SSBP2: variants seen among roughly 807,000 people sequenced by gnomAD.
SSBP2 encodes single-stranded DNA-binding protein 2.
A neutral mutation model predicts 61.8 loss-of-function variants in SSBP2; 17 were observed. The ratio of observed to expected loss-of-function variants is 0.28; its 90% CI spans 0.19 to 0.41. The LOEUF is 0.41. SSBP2 is among the 10% of genes least tolerant of loss of function. The pLI is 1.00. For missense variants in SSBP2, 310 were observed against 458.7 expected (o/e 0.68, Z 2.96); for synonymous variants, 139 against 141.3 (o/e 0.98, Z 0.12).
chr5:81,719,675 A>C (rs1426764296), intron 1 of SSBP2, among the ~76,000 whole-genome samples: 1 of 152,118 alleles, frequency 6.6e-6, no homozygotes, highest in Non-Finnish European at 1.5e-5. Context: ...TAGGAGGAGG[A>C]GGCATGCCAT....
At chr5:81,623,204 AG>A (rs1300155465) in intron 3 of SSBP2, among the ~76,000 whole-genome samples, 1 of 152,228 alleles carries the variant, frequency 6.6e-6, no homozygotes, top group African/African-American at 2.4e-5. Context: ...TATTACATGC[AG>A]CATTATATGA....
At chr5:81,609,541 T>C (rs1228765488) in intron 4 of SSBP2, among the ~76,000 whole-genome samples, 1 of 152,166 alleles carries the variant, frequency 6.6e-6, no homozygotes, top group African/African-American at 2.4e-5. Flanking sequence ...TCCCATAGCT[T>C]CAATCCAAGT....
intron 1 of SSBP2, among the ~76,000 whole-genome samples, chr5:81,736,083 TTA>T (rs1156433729): frequency 1.3e-5 from 2 of 151,626 alleles, no homozygotes; most frequent in Admixed American, 1.3e-4. Flanking sequence ...CTTTCAAGAA[TTA>T]GTCATTGCTT....
chr5:81,587,737 ACACACACACG>A (rs1246242790), intron 4 of SSBP2, among the ~76,000 whole-genome samples: 2 of 144,578 alleles, frequency 1.4e-5, no homozygotes, highest in African/African-American at 5.1e-5. Flanking sequence ...CTCAAAACAT[ACACACACACG>A]CACACACACG....
At chr5:81,598,347 C>G (rs919364733) in intron 4 of SSBP2, among the ~76,000 whole-genome samples, 1 of 152,048 alleles carries the variant, frequency 6.6e-6, no homozygotes, top group African/African-American at 2.4e-5. Flanking sequence ...AACAAAAAGG[C>G]TAACTGAGAA....
intron 2 of SSBP2, among the ~76,000 whole-genome samples, chr5:81,646,562 A>G (rs1388784104): frequency 6.6e-6 from 1 of 151,872 alleles, no homozygotes; most frequent in Non-Finnish European, 1.5e-5. Flanking sequence ...CTCAGAGAGA[A>G]AGCAACCCTC....
At chr5:81,426,413 A>T (rs1303766644) in intron 16 of SSBP2, among the ~76,000 whole-genome samples, 3 of 152,132 alleles carry the variant, frequency 2.0e-5, no homozygotes, top group Non-Finnish European at 2.9e-5. Flanking sequence ...TTCCTTTTAC[A>T]ACATTTCTGG....
intron 6 of SSBP2, among the ~76,000 whole-genome samples, chr5:81,488,058 T>TATAA (rs1491473867): frequency 7.2e-5 from 6 of 83,190 alleles, no homozygotes; most frequent in Non-Finnish European, 1.0e-4. Context: ...TATATATATA[T>TATAA]AAATAAAATA....
chr5:81,531,995 G>T (rs1180053086), intron 4 of SSBP2, among the ~76,000 whole-genome samples: 2 of 152,048 alleles, frequency 1.3e-5, no homozygotes, highest in Non-Finnish European at 2.9e-5. Flanking sequence ...CAAGAGATAT[G>T]AAGTTATCAG....
Position 81,615,271 on chromosome 5 carries a change from G to A in SSBP2, c.282+202C>T, listed in dbSNP as rs565181854. The A allele has an allele frequency of 5.7e-4, 320 of 558,934 alleles. 1 individual carries two copies. Among genetic ancestry groups the A allele is most frequent in the Non-Finnish European group, 8.7e-4 (275 of 316,596 alleles). 34.6% of individuals were successfully genotyped at this position (558,934 alleles called of 1,614,324 possible). A position where few individuals can be genotyped will look rare whatever the true frequency, so the allele number is the denominator to read the frequency against. ...TTTAATAGCTTAGAATTAGGCCTAC[G>A]CTTTATCCTAAGCTTTAACAAGACT... is the stretch of plus-strand genomic sequence containing the variant. On this transcript the variant is annotated intron_variant, in intron 4 of 16. Coordinates refer to ENST00000320672, the MANE Select transcript of SSBP2 (RefSeq NM_012446.5).
At chr5:81,421,928 A>G (rs1761639169) in intron 16 of SSBP2, among the ~76,000 whole-genome samples, 1 of 152,226 alleles carries the variant, frequency 6.6e-6, no homozygotes, top group Admixed American at 6.5e-5. Flanking sequence ...TGAACAGCAC[A>G]GCTCTAGACT....
At chr5:81,643,799 C>A (rs1273145494) in intron 2 of SSBP2, among the ~76,000 whole-genome samples, 2 of 151,892 alleles carry the variant, frequency 1.3e-5, no homozygotes, top group Non-Finnish European at 2.9e-5. Flanking sequence ...GACGGGATTT[C>A]ACCATGTTGG....
chr5:81,582,432 T>C (rs914697364), intron 4 of SSBP2, among the ~76,000 whole-genome samples: 1 of 152,178 alleles, frequency 6.6e-6, no homozygotes, highest in Non-Finnish European at 1.5e-5. Context: ...CTAATGCATA[T>C]GTACTCAATT....
At chr5:81,598,656 C>G (rs1430919073) in intron 4 of SSBP2, among the ~76,000 whole-genome samples, 2 of 152,112 alleles carry the variant, frequency 1.3e-5, no homozygotes, top group Non-Finnish European at 2.9e-5. Context: ...TCATGTTGCT[C>G]CCTCTGTGCA....
intron 4 of SSBP2, among the ~76,000 whole-genome samples, chr5:81,519,881 C>T (rs1769328868): frequency 6.6e-6 from 1 of 152,010 alleles, no homozygotes; most frequent in Non-Finnish European, 1.5e-5. Context: ...TTTTCTGTTT[C>T]ATTAACATGT....
chr5:81,609,114 T>C (rs2973335), intron 4 of SSBP2, among the ~76,000 whole-genome samples: 37,136 of 152,030 alleles, frequency 0.24, 6,046 homozygotes, highest in East Asian at 0.69. Flanking sequence ...GCACGATCTA[T>C]GGCCCTTCTA....
chr5:81,479,291 C>CT (rs200337744), intron 6 of SSBP2, among the ~76,000 whole-genome samples: 161 of 151,758 alleles, frequency 1.1e-3, no homozygotes, highest in Middle Eastern at 3.4e-3. Flanking sequence ...ATGCATTGTT[C>CT]TTTTTTTTGT....
At chr5:81,572,712 T>G (rs1419694361) in intron 4 of SSBP2, among the ~76,000 whole-genome samples, 2 of 152,192 alleles carry the variant, frequency 1.3e-5, no homozygotes, top group Non-Finnish European at 2.9e-5. Context: ...AAATTTGACT[T>G]CAGTACTCTT....
chr5:81,533,728 C>T (rs1034594693), intron 4 of SSBP2, among the ~76,000 whole-genome samples: 5 of 152,014 alleles, frequency 3.3e-5, no homozygotes, highest in African/African-American at 1.2e-4. Flanking sequence ...CTGAGCAAAA[C>T]TCATGAGAAA....
Sources: allele counts gnomAD v4.1 joint callset (sites outside exome capture counted in the v4.1 genomes callset), GRCh38; gene constraint gnomAD v4.1.1; transcripts MANE v1.5; gene names NCBI Gene and HGNC (gene_info 2026-07-23, HGNC 2026-07-21).